The following MUC7 variants were observed in gnomAD, a reference collection of about 807,000 sequenced individuals.
MUC7 encodes mucin 7, secreted, also known as mucin-7.
MUC7 carries 2 observed loss-of-function variants against 2.5 expected under a neutral mutation model. The observed-to-expected ratio is 0.81, with a 90% confidence interval of 0.33 to 2.55. The LOEUF is 2.55. Ranked by LOEUF, MUC7 falls within the 30% of genes most tolerant of loss-of-function variation. The pLI, the probability that MUC7 is intolerant of heterozygous loss-of-function variation, is 0.11. For synonymous variants in MUC7, 133 were observed against 173.4 expected (o/e 0.77, Z 1.83); for missense variants, 408 against 455.6 (o/e 0.90, Z 0.95).
At chr4:70,435,012 C>T (rs538169572) in intron 1 of MUC7, among the ~76,000 whole-genome samples, 22 of 152,106 alleles carry the variant, frequency 1.4e-4, no homozygotes, top group South Asian at 6.2e-4. Context: ...TGTAGTTGTG[C>T]GGTTTTGAGT....
chr4:70,448,999 G>A (rs141582109), intron 1 of MUC7, among the ~76,000 whole-genome samples: 122 of 152,172 alleles, frequency 8.0e-4, no homozygotes, highest in Middle Eastern at 3.4e-3. Flanking sequence ...ATGGATATAC[G>A]GTTTTCCCAG....
At chr4:70,479,646 A>G (rs1257909649) in intron 2 of MUC7, among the ~76,000 whole-genome samples, 4 of 152,224 alleles carry the variant, frequency 2.6e-5, no homozygotes, top group Non-Finnish European at 4.4e-5. Flanking sequence ...GAAGAGGGAT[A>G]TAAAAGGCAT....
Position 70,444,693 on chromosome 4 carries a change from A to G in MUC7, c.-93+14006A>G, listed in dbSNP as rs182973387. ...ATATAATCCCTGTTGCAGTTACATC[A>G]GCTGTCAATACCATATCATATACTG... On this transcript the variant is annotated intron_variant, in intron 1 of 3. Transcript: ENST00000413702. Among the ~76,000 whole-genome samples the G allele has an allele frequency of 2.9e-3, 436 of 152,336 alleles. 1 individual carries two copies. Among genetic ancestry groups the G allele is most frequent in the Non-Finnish European group, 2.9e-3 (195 of 68,028 alleles).
chr4:70,472,758 C>A (rs1560556855), intron 1 of MUC7, among the ~76,000 whole-genome samples: 2 of 152,286 alleles, frequency 1.3e-5, no homozygotes, highest in East Asian at 3.9e-4. Flanking sequence ...GTGGGCAGAG[C>A]TTAAATCAAG....
At chr4:70,456,127 C>T (rs991878504) in intron 1 of MUC7, among the ~76,000 whole-genome samples, 1 of 152,164 alleles carries the variant, frequency 6.6e-6, no homozygotes, top group Non-Finnish European at 1.5e-5. Context: ...CAGACTCTTC[C>T]AATCGCTGCC....
At chr4:70,438,982 AAG>A (rs1270967082) in intron 1 of MUC7, among the ~76,000 whole-genome samples, 7 of 152,234 alleles carry the variant, frequency 4.6e-5, no homozygotes, top group African/African-American at 1.7e-4. Context: ...ATAGAAAAGA[AAG>A]AGAGTTACTG....
rs546576850 is a variant in MUC7 at position 70,480,811 on chromosome 4, C to G, written c.67C>G (p.Arg23Gly). ...LSACFSFSEG[R>G]ERDHELRHRR... is the part of the protein sequence containing the mutation. ...TTCTTTTCTGCAGTTCAGTGAAGGTCGAGAAAGGGATCATGAACTACGTCA... is the reference window on the plus strand; with the variant it reads ...TTCTTTTCTGCAGTTCAGTGAAGGTGGAGAAAGGGATCATGAACTACGTCA... The change falls in exon 3 of 3, where the codon CGA becomes GGA. Residue 23 changes from arginine to glycine, a missense_variant. This residue lies in a region of MUC7 where 225 missense variants were observed against 240.5 expected (regional missense o/e 0.94). Coordinates refer to ENST00000304887, the MANE Select transcript of MUC7 (RefSeq NM_152291.3). 2.4e-5 allele frequency: 38 copies of G among 1,613,024 alleles called. No homozygotes were observed. Among genetic ancestry groups the G allele is most frequent in the Non-Finnish European group, 3.2e-5 (38 of 1,179,268 alleles).
chr4:70,463,245 A>AT (rs1184833537), intron 1 of MUC7, among the ~76,000 whole-genome samples: 4 of 152,218 alleles, frequency 2.6e-5, no homozygotes, highest in Non-Finnish European at 5.9e-5. Context: ...AGCTATCTTG[A>AT]TTAACTGGTT....
chr4:70,455,721 G>A (rs1481224772), intron 1 of MUC7, among the ~76,000 whole-genome samples: 2 of 152,084 alleles, frequency 1.3e-5, no homozygotes, highest in Non-Finnish European at 2.9e-5. Flanking sequence ...TCTTGAATAT[G>A]GAATCAAAAG....
At chr4:70,434,375 T>C (rs1733768474) in intron 1 of MUC7, among the ~76,000 whole-genome samples, 1 of 152,218 alleles carries the variant, frequency 6.6e-6, no homozygotes, top group African/African-American at 2.4e-5. Flanking sequence ...GGTAAGCTAT[T>C]AATTATTGCC....
intron 1 of MUC7, among the ~76,000 whole-genome samples, chr4:70,459,396 C>G (rs1416109311): frequency 2.0e-5 from 3 of 152,044 alleles, no homozygotes; most frequent in Non-Finnish European, 4.4e-5. Context: ...CACATGGACA[C>G]AGGAAGGGGA....
At position 70,482,699 on chromosome 4, in the gene MUC7, T is replaced by C. The variant is rs1037780871; in HGVS notation, c.*821T>C. 6.6e-6 allele frequency: 1 copy of C among 151,442 alleles called. No homozygotes were observed. Among genetic ancestry groups the C allele is most frequent in the African/African-American group, 2.4e-5 (1 of 41,152 alleles). 9.4% of individuals were successfully genotyped at this position (151,442 alleles called of 1,614,324 possible). A position where few individuals can be genotyped will look rare whatever the true frequency, so the allele number is the denominator to read the frequency against. On this transcript the variant is annotated 3_prime_UTR_variant, in exon 3 of 3. Transcript: ENST00000304887. ...AATATTTCACTATCAATTCAATTAA[T>C]TCACATAAATTCCATGTGAAATGTA...
intron 1 of MUC7, among the ~76,000 whole-genome samples, chr4:70,465,972 G>A (rs1217535564): frequency 6.6e-6 from 1 of 152,142 alleles, no homozygotes; most frequent in African/African-American, 2.4e-5. Flanking sequence ...TGAAGTGAAG[G>A]AAAAAGTGTT....
At chr4:70,447,569 T>C (rs1030928161) in intron 1 of MUC7, among the ~76,000 whole-genome samples, 1 of 152,188 alleles carries the variant, frequency 6.6e-6, no homozygotes, top group Non-Finnish European at 1.5e-5. Flanking sequence ...GAAGCACACA[T>C]TTATATACCA....
intron 1 of MUC7, among the ~76,000 whole-genome samples, chr4:70,445,083 G>A (rs1027531709): frequency 1.3e-5 from 2 of 152,046 alleles, no homozygotes; most frequent in African/African-American, 4.8e-5. Context: ...AAACACTTTT[G>A]TTCCCCTTGA....
chr4:70,440,806 G>A (rs1409811921), intron 1 of MUC7, among the ~76,000 whole-genome samples: 1 of 152,084 alleles, frequency 6.6e-6, no homozygotes, highest in African/African-American at 2.4e-5. Context: ...AGGAAAAAGG[G>A]AGGGAAAGAG....
At chr4:70,447,051 T>C (rs1384378786) in intron 1 of MUC7, among the ~76,000 whole-genome samples, 1 of 109,196 alleles carries the variant, frequency 9.2e-6, no homozygotes, top group Non-Finnish European at 1.7e-5. Context: ...TATGATATTA[T>C]GGAAGGAATT....
At chr4:70,456,859 T>C (rs1734428895) in intron 1 of MUC7, among the ~76,000 whole-genome samples, 1 of 152,170 alleles carries the variant, frequency 6.6e-6, no homozygotes, top group Admixed American at 6.5e-5. Flanking sequence ...TATTATGCAG[T>C]TGGGGTTACA....
chr4:70,468,844 T>C (rs183605485), upstream of MUC7, among the ~76,000 whole-genome samples: 1 of 152,146 alleles, frequency 6.6e-6, no homozygotes, highest in Non-Finnish European at 1.5e-5. Context: ...AAGTAATTTA[T>C]AGATTCAATG....
Sources: allele counts gnomAD v4.1 joint callset (sites outside exome capture counted in the v4.1 genomes callset), GRCh38; gene constraint gnomAD v4.1.1; regional missense constraint gnomAD v4.1.1; transcripts MANE v1.5; gene names NCBI Gene and HGNC (gene_info 2026-07-23, HGNC 2026-07-21).